The following BAIAP3 variants were observed in gnomAD, a reference collection of about 807,000 sequenced individuals.
BAIAP3 encodes BAI1-associated protein 3.
In BAIAP3, 180 loss-of-function variants were observed where a neutral mutation model predicts 149.7. That is an observed-to-expected ratio of 1.20 (90% confidence interval 1.07 to 1.36). BAIAP3 has a LOEUF of 1.36. Ranked by LOEUF, BAIAP3 falls within the 40% of genes most tolerant of loss-of-function variation. The probability of loss-of-function intolerance (pLI) is 0.00; values close to 1 mark genes in which losing one functional copy is unlikely to be tolerated. For synonymous variants in BAIAP3, 845 were observed against 670.7 expected (o/e 1.26, Z -4.02); for missense variants, 1,767 against 1,563.4 (o/e 1.13, Z -2.20).
Position 1,348,253 on chromosome 16 carries a change from A to G in BAIAP3, c.3307A>G (p.Arg1103Gly), listed in dbSNP as rs752841929. 1.2e-6 allele frequency: 2 copies of G among 1,602,888 alleles called. No individual in the cohort carries two copies. The highest frequency in any genetic ancestry group is 1.7e-6 in the Non-Finnish European group (2 of 1,176,704). The change falls in exon 33 of 34, where the codon AGG becomes GGG. Residue 1103 changes from arginine to glycine, a missense_variant. Arg to Gly is a moderately radical substitution (Grantham distance 125). Transcript: ENST00000426824. ...CCGGCCCCAGGTGGGCGGGGGTGCA[A>G]GGGCTGGGCAGCCTGTCACCCTGCA... ...VARPQVGGGA[R>G]AGQPVTLHLC...
chr16:1,334,669 C>A, intron 1 of BAIAP3: 1 of 1,551,758 alleles, frequency 6.4e-7, no homozygotes, highest in Non-Finnish European at 8.7e-7. Flanking sequence ...GGAATGAGAC[C>A]CCGGGGAGCA....
rs1348858242 is a variant in BAIAP3, at chr16:1,343,429, C to G, written c.1302C>G (p.Cys434Trp). ...WQVSSRHHQT[C>W]TLDYSYLLGL... is the part of the protein sequence containing the mutation. Reference sequence around the variant, plus strand: ...TCAGCAGCCGCCACCATCAAACCTGCACGCTGGACTACAGCTACCTGCTGG... The same window carrying G: ...TCAGCAGCCGCCACCATCAAACCTGGACGCTGGACTACAGCTACCTGCTGG... The change falls in exon 15 of 34, where the codon TGC becomes TGG. Residue 434 changes from cysteine (C) to tryptophan (W), a missense_variant. Transcript: ENST00000426824. The G allele has an allele frequency of 6.3e-7, 1 of 1,578,686 alleles. No individual in the cohort carries two copies. The highest frequency in any genetic ancestry group is 1.2e-5 in the South Asian group (1 of 86,492).
rs565842729 is a variant in BAIAP3 at position 1,345,111 on chromosome 16, G to T, written c.1940+12G>T. On this transcript the variant is annotated intron_variant, in intron 21 of 33. Coordinates refer to ENST00000426824, the MANE Select transcript of BAIAP3 (RefSeq NM_001199097.2). ...AGCATCCCTGGCCGGTGGGTGCCCCGTCCCTATCTCTTGCAGACAGACTTT... is the reference window on the plus strand; with the variant it reads ...AGCATCCCTGGCCGGTGGGTGCCCCTTCCCTATCTCTTGCAGACAGACTTT... 3.2e-5 allele frequency: 51 copies of T among 1,612,250 alleles called. No individual in the cohort carries two copies. In the South Asian group the frequency reaches 4.9e-4, roughly 16 times the overall value.
Position 1,349,236 on chromosome 16 carries a change from G to T in BAIAP3, c.*754G>T. 1.5e-6 allele frequency: 1 copy of T among 649,014 alleles called. No homozygotes were observed. Among genetic ancestry groups the T allele is most frequent in the East Asian group, 2.6e-5 (1 of 38,024 alleles). The allele number at this position is 649,014 out of a possible 1,614,324, so 40.2% of individuals were successfully genotyped here. ...CCAGTGTGAAAAACAGACTCACAAG[G>T]GGCTTCTTGGCCTGCAGCTTCATTT... On this transcript the variant is annotated 3_prime_UTR_variant, in exon 34 of 34. Coordinates refer to ENST00000426824, the MANE Select transcript of BAIAP3 (RefSeq NM_001199097.2).
chr16:1,345,256 C>A lies in BAIAP3; in HGVS notation c.1948C>A (p.Arg650Ser), dbSNP rs145807489. 4 of 1,612,884 alleles carry A rather than the reference C, an allele frequency of 2.5e-6. No homozygotes were observed. The highest frequency in any genetic ancestry group is 3.4e-6 in the Non-Finnish European group (4 of 1,179,874). The change falls in exon 22 of 34, where the codon CGC (arginine) becomes AGC (serine). Residue 650 changes from arginine (R) to serine (S), a missense_variant. Coordinates refer to ENST00000426824, the MANE Select transcript of BAIAP3 (RefSeq NM_001199097.2). ...FWDSIPGRDSRSLALAGIHAP... is the reference protein window; with the variant it reads ...FWDSIPGRDSSSLALAGIHAP... ...ACAACCCTCCCACCACAGGGACAGC[C>A]GCTCTCTGGCCCTGGCTGGCATCCA... is the stretch of plus-strand genomic sequence containing the variant.
rs2034592478 is a variant in BAIAP3 at position 1,349,312 on chromosome 16, GA to G, written c.*831del. ...AGCACAGCTGTGCTGGAAGTGTGGG[GA>G]GAACCCGGACAGCTCAGTCCTGCCA... is the stretch of plus-strand genomic sequence containing the variant. On this transcript the variant is annotated 3_prime_UTR_variant, in exon 34 of 34. Coordinates refer to ENST00000426824, the MANE Select transcript of BAIAP3 (RefSeq NM_001199097.2). 9.4e-7 allele frequency: 1 copy of G among 1,066,716 alleles called. No individual in the cohort carries two copies. 66.1% of individuals were successfully genotyped at this position (1,066,716 alleles called of 1,614,324 possible). A position where few individuals can be genotyped will look rare whatever the true frequency, so the allele number is the denominator to read the frequency against.
At position 1,338,938 on chromosome 16, in the gene BAIAP3, G is replaced by A. The variant is rs889224499; in HGVS notation, c.168G>A (p.Met56Ile). The change falls in exon 3 of 34, where the codon ATG becomes ATA. Residue 56 changes from methionine (M) to isoleucine (I), a missense_variant. Physicochemically the swap from Met to Ile is conservative, Grantham distance 10 (BLOSUM62 1). Transcript: ENST00000426824. ...PGDGVEFFAH[M>I]RLMLKKGEGR... ...ATGGCGTGGAGTTCTTTGCCCACATGCGCCTCATGCTGAAGAAGGGGGAAG... is the reference window on the plus strand; with the variant it reads ...ATGGCGTGGAGTTCTTTGCCCACATACGCCTCATGCTGAAGAAGGGGGAAG... The A allele has an allele frequency of 1.2e-6, 2 of 1,613,122 alleles. No homozygotes were observed. Among genetic ancestry groups the A allele is most frequent in the Non-Finnish European group, 1.7e-6 (2 of 1,179,936 alleles).
At position 1,340,931 on chromosome 16, in the gene BAIAP3, A is replaced by G. The variant is rs2033882755; in HGVS notation, c.418A>G (p.Thr140Ala). Residue 140 changes from threonine to alanine, a missense_variant, in exon 6 of 34, where the codon ACC becomes GCC. Transcript: ENST00000426824. ...LLSYLQQVFG[T>A]SLEEHTEAIE... ...CAGCCACCCTCCACAGGTGTTTGGC[A>G]CCAGCCTTGAGGAGCACACTGAGGC... The G allele has an allele frequency of 6.4e-7, 1 of 1,574,238 alleles. No individual in the cohort carries two copies. Among genetic ancestry groups the G allele is most frequent in the African/African-American group, 1.3e-5 (1 of 74,234 alleles).
chr16:1,345,582 C>T (rs1449528218), intron 22 of BAIAP3, 165 bp from the exon 23 acceptor site: 15 of 440,214 alleles, frequency 3.4e-5, no homozygotes, highest in South Asian at 1.5e-4. Flanking sequence ...TCAGCAACCC[C>T]AGCCTCCCCC....
At chr16:1,343,730 G>A (rs1027575780) in intron 15 of BAIAP3, among the ~76,000 whole-genome samples, 3 of 152,250 alleles carry the variant, frequency 2.0e-5, no homozygotes, top group Non-Finnish European at 2.9e-5. Context: ...TTAGGACAGG[G>A]CTGGGGAAAG....
chr16:1,347,855 G>A, intron 31 of BAIAP3, 34 bp downstream of exon 31: 2 of 1,606,428 alleles, frequency 1.2e-6, no homozygotes, highest in South Asian at 1.1e-5. Flanking sequence ...GGGTGGTGGT[G>A]GGATGGGGGC....
Position 1,344,788 on chromosome 16 carries a change from T to C in BAIAP3, c.1758-10T>C. 2 of 1,613,846 alleles carry C rather than the reference T, an allele frequency of 1.2e-6. No individual in the cohort carries two copies. The highest frequency in any genetic ancestry group is 1.7e-6 in the Non-Finnish European group (2 of 1,180,010). On this transcript the variant is annotated splice_polypyrimidine_tract_variant and intron_variant, in intron 19 of 33. Transcript: ENST00000426824. ...GCGCAGGTGGATGAGGTGTGTCCCT[T>C]GCTCTGCAGCATCCTCAATGTGGAC...
chr16:1,339,878 C>G (rs866776769), intron 5 of BAIAP3, among the ~76,000 whole-genome samples: 60 of 143,128 alleles, frequency 4.2e-4, no homozygotes, highest in African/African-American at 1.4e-3. Context: ...CACAGACACA[C>G]GCACACAGGC....
chr16:1,345,400 T>G (rs764555943), intron 22 of BAIAP3, 28 bp downstream of exon 22: 1 of 1,496,962 alleles, frequency 6.7e-7, no homozygotes, highest in Non-Finnish European at 9.2e-7. Context: ...CTGAGGACAC[T>G]GGGGCTGGTC....
In BAIAP3 at chr16:1,348,284, G is replaced by A; in HGVS notation, c.3338G>A (p.Cys1113Tyr). The A allele has an allele frequency of 6.2e-7, 1 of 1,600,098 alleles. No homozygotes were observed. Among genetic ancestry groups the A allele is most frequent in the Non-Finnish European group, 8.5e-7 (1 of 1,174,284 alleles). Residue 1113 changes from cysteine (C) to tyrosine (Y), a missense_variant, in exon 33 of 34, where the codon TGC (cysteine) becomes TAC (tyrosine). Physicochemically the swap from Cys to Tyr is radical, Grantham distance 194 (BLOSUM62 -2). Transcript: ENST00000426824. ...GGGCAGCCTGTCACCCTGCACCTGTGCCGGCCCAGAGCCCAGGGTGAGTGA... is the reference window on the plus strand; with the variant it reads ...GGGCAGCCTGTCACCCTGCACCTGTACCGGCCCAGAGCCCAGGGTGAGTGA... ...RAGQPVTLHL[C>Y]RPRAQVRSAL...
rs1267280633 is a variant in BAIAP3 at position 1,343,463 on chromosome 16, G to A, written c.1336G>A (p.Glu446Lys). Residue 446 changes from glutamate (E) to lysine (K), a missense_variant, in exon 15 of 34, where the codon GAG becomes AAG. By Grantham distance (56) the Glu-to-Lys change is moderately conservative (BLOSUM62 1). Transcript: ENST00000426824. Reference protein sequence around the residue: ...LDYSYLLGLLEDMQAHWEEAP... With the variant: ...LDYSYLLGLLKDMQAHWEEAP... ...CTACAGCTACCTGCTGGGGCTGCTG[G>A]AGGACATGCAGGCACACTGGGAAGA... The A allele has an allele frequency of 6.3e-7, 1 of 1,599,878 alleles. No homozygotes were observed. The highest frequency in any genetic ancestry group is 1.3e-5 in the African/African-American group (1 of 74,760).
At position 1,343,554 on chromosome 16, in the gene BAIAP3, G is replaced by C. The variant is rs530312967; in HGVS notation, c.1386+41G>C. The stretch of plus-strand genomic sequence containing the variant: ...ACCTTCTTGCCAGCCATGGCGAAGG[G>C]AGTGCTGGGGACTGGGGTCGCTCAG... On this transcript the variant is annotated intron_variant, in intron 15 of 33. Coordinates refer to ENST00000426824, the MANE Select transcript of BAIAP3 (RefSeq NM_001199097.2). The C allele has an allele frequency of 2.9e-5, 46 of 1,599,056 alleles. No homozygotes were observed. The South Asian group carries it at 5.1e-4, about 18-fold the overall frequency.
intron 21 of BAIAP3, 35 bp from the exon 22 acceptor site, chr16:1,345,214 G>T (rs2034230632): frequency 1.2e-6 from 2 of 1,610,924 alleles, no homozygotes; most frequent in Non-Finnish European, 1.7e-6. Context: ...AGGTGTCTGA[G>T]TCAGGGCCGA....
At chr16:1,338,076 G>T (rs955999355) in intron 1 of BAIAP3, among the ~76,000 whole-genome samples, 3 of 152,180 alleles carry the variant, frequency 2.0e-5, no homozygotes, top group Non-Finnish European at 4.4e-5. Context: ...CCTGGCATCC[G>T]TCCTGGCCCC....
Sources: allele counts gnomAD v4.1 joint callset (sites outside exome capture counted in the v4.1 genomes callset), GRCh38; gene constraint gnomAD v4.1.1; transcripts MANE v1.5; gene names NCBI Gene and HGNC (gene_info 2026-07-23, HGNC 2026-07-21).